GATA3: variants seen among roughly 807,000 people sequenced by gnomAD.
GATA3 encodes GATA binding protein 3, also known as trans-acting T-cell-specific transcription factor GATA-3.
A neutral mutation model predicts 36.0 loss-of-function variants in GATA3; 6 were observed. The observed-to-expected ratio is 0.17, with a 90% CI of 0.09 to 0.33. The LOEUF (loss-of-function observed/expected upper bound fraction) is 0.33. Among genes scored for constraint, GATA3 ranks in the 10% least tolerant of loss-of-function variants. GATA3 has a pLI of 1.00. For missense variants in GATA3, 514 were observed against 610.1 expected (o/e 0.84, Z 1.66); for synonymous variants, 326 against 273.0 (o/e 1.19, Z -1.92).
At chr10:8,047,508 A>G (rs1225941773) in intron 1 of GATA3, among the ~76,000 whole-genome samples, 1 of 152,104 alleles carries the variant, frequency 6.6e-6, no homozygotes, top group Non-Finnish European at 1.5e-5. Flanking sequence ...CCTCTTTTTT[A>G]CTTAACGGTT....
chr10:8,045,557 C>G (rs1246570032), intron 1 of GATA3: 1 of 152,330 alleles, frequency 6.6e-6, no homozygotes. Context: ...CTCCGCACTC[C>G]CTCTGCCCGC....
At chr10:8,064,582 G>T (rs1314609644) in intron 4 of GATA3, among the ~76,000 whole-genome samples, 1 of 152,194 alleles carries the variant, frequency 6.6e-6, no homozygotes, top group Admixed American at 6.5e-5. Context: ...CTGAAGTTGT[G>T]GCGTGTGGCT....
At chr10:8,060,971 G>A (rs1832737845) in intron 3 of GATA3, among the ~76,000 whole-genome samples, 2 of 152,160 alleles carry the variant, frequency 1.3e-5, no homozygotes, top group South Asian at 4.2e-4. Flanking sequence ...GGACTTTTGG[G>A]AGTGTGGAGG....
At chr10:8,066,017 A>C (rs1832836016) in intron 4 of GATA3, among the ~76,000 whole-genome samples, 1 of 151,322 alleles carries the variant, frequency 6.6e-6, no homozygotes, top group South Asian at 2.1e-4. Context: ...AACAACAAAC[A>C]AAAACCTTCT....
intron 3 of GATA3, among the ~76,000 whole-genome samples, chr10:8,061,011 G>A (rs1049535193): frequency 6.6e-6 from 1 of 152,068 alleles, no homozygotes; most frequent in East Asian, 1.9e-4. Context: ...TCCTTTTGCA[G>A]GGGGTGGAGG....
intron 4 of GATA3, among the ~76,000 whole-genome samples, chr10:8,065,700 G>GT (rs748515966): frequency 0.18 from 11,074 of 62,284 alleles, 755 homozygotes; most frequent in Non-Finnish European, 0.19. Context: ...CAGCAGTTTG[G>GT]TTTTTTTTTT....
chr10:8,059,023 G>C (rs1044140132), intron 3 of GATA3, among the ~76,000 whole-genome samples, 182 bp downstream of exon 3: 4 of 152,190 alleles, frequency 2.6e-5, no homozygotes, highest in African/African-American at 9.6e-5. Context: ...GCTCACGCCT[G>C]GCCTCGGAAG....
At position 8,074,249 on chromosome 10, in the gene GATA3, C is replaced by G; in HGVS notation, c.*226C>G. The G allele has an allele frequency of 1.7e-6, 1 of 577,548 alleles. No individual in the cohort carries two copies. Among genetic ancestry groups the G allele is most frequent in the South Asian group, 2.3e-5 (1 of 43,966 alleles). 35.8% of individuals were successfully genotyped at this position (577,548 alleles called of 1,614,324 possible). On this transcript the variant is annotated 3_prime_UTR_variant, in exon 6 of 6. Transcript: ENST00000379328. ...GTGAATAAGCCATTCTGACTCATAT[C>G]CCCTATTTAACAGGGTCTCTAGTGC...
intron 2 of GATA3, among the ~76,000 whole-genome samples, chr10:8,057,911 C>T (rs999325530): frequency 3.3e-5 from 5 of 152,138 alleles, no homozygotes; most frequent in African/African-American, 1.2e-4. Context: ...AACTCAGGGC[C>T]ATTGAAGGAA....
intron 3 of GATA3, among the ~76,000 whole-genome samples, chr10:8,059,701 G>C (rs936464359): frequency 1.3e-5 from 2 of 152,168 alleles, no homozygotes; most frequent in African/African-American, 4.8e-5. Flanking sequence ...TATTCAGTTG[G>C]TGTCATTACT....
At chr10:8,068,646 G>A (rs928947194) in intron 4 of GATA3, among the ~76,000 whole-genome samples, 11 of 152,188 alleles carry the variant, frequency 7.2e-5, no homozygotes, top group East Asian at 1.9e-4. Flanking sequence ...CCAGCTACTC[G>A]GGAGTGTGAG....
At position 8,071,412 on chromosome 10, in the gene GATA3, A is replaced by G. The variant is rs187966848; in HGVS notation, c.1050+1814A>G. Among the ~76,000 whole-genome samples, 319 of 152,344 alleles carry G rather than the reference A, an allele frequency of 2.1e-3. 3 individuals are homozygous for G. The highest frequency in any genetic ancestry group is 3.5e-3 in the Admixed American group (54 of 15,308). ...TCCCTATATTCGTGGAAGTATAGGA[A>G]TTATAGGAGATTAACTAGCTATATG... On this transcript the variant is annotated intron_variant, in intron 5 of 5. Transcript: ENST00000379328.
chr10:8,068,310 G>A (rs76365712), intron 4 of GATA3, among the ~76,000 whole-genome samples: 3,409 of 152,282 alleles, frequency 0.022, 124 homozygotes, highest in African/African-American at 0.078. Flanking sequence ...CATGAAGGTG[G>A]ACTGGCATCA....
chr10:8,069,996 A>G (rs927073696), intron 5 of GATA3, among the ~76,000 whole-genome samples: 2 of 152,232 alleles, frequency 1.3e-5, no homozygotes, highest in African/African-American at 2.4e-5. Flanking sequence ...AGAGAAAGGT[A>G]AATAGAATTG....
rs996978916 is a variant in GATA3, at chr10:8,055,484, C to T, written c.-172C>T. The T allele has an allele frequency of 2.8e-6, 2 of 716,606 alleles. No individual in the cohort carries two copies. The highest frequency in any genetic ancestry group is 3.6e-5 in the African/African-American group (2 of 55,936). 44.4% of individuals were successfully genotyped at this position (716,606 alleles called of 1,614,324 possible). ...TCCAAGATAATTTTTAAAAAACCTT[C>T]TCCTTTGCTCACCTTTGCTTCCCAG... is the stretch of plus-strand genomic sequence containing the variant. On this transcript the variant is annotated 5_prime_UTR_variant, in exon 2 of 6. Transcript: ENST00000379328. The surrounding 1 kb of genome is among the most constrained non-coding windows in gnomAD (Gnocchi z 5.4).
At chr10:8,066,335 T>G (rs554177524) in intron 4 of GATA3, among the ~76,000 whole-genome samples, 54 of 152,292 alleles carry the variant, frequency 3.5e-4, no homozygotes, top group South Asian at 1.9e-3. Context: ...CTGTCTTTTC[T>G]TTCTTAATCA....
intron 1 of GATA3, among the ~76,000 whole-genome samples, chr10:8,046,553 TGGTAGTAGCAGTG>T (rs1442205627): frequency 1.3e-4 from 19 of 151,684 alleles, no homozygotes; most frequent in Non-Finnish European, 2.2e-4. Flanking sequence ...GAGAAGGTAG[TGGTAGTAGCAGTG>T]GGTGGGCTGG....
rs1832973652 is a variant in GATA3, at chr10:8,073,935, T to C, written c.1247T>C (p.Met416Thr). 1 of 1,614,114 alleles carries C rather than the reference T, an allele frequency of 6.2e-7. No homozygotes were observed. The highest frequency in any genetic ancestry group is 8.5e-7 in the Non-Finnish European group (1 of 1,180,028). ...HISPFSHSSH[M>T]LTTPTPMHPP... is the part of the protein sequence containing the mutation. ...TCGCCCTTCAGCCACTCCAGCCACATGCTGACCACGCCCACGCCGATGCAC... is the reference window on the plus strand; with the variant it reads ...TCGCCCTTCAGCCACTCCAGCCACACGCTGACCACGCCCACGCCGATGCAC... The change falls in exon 6 of 6, where the codon ATG (methionine) becomes ACG (threonine). Residue 416 changes from methionine (M) to threonine (T), a missense_variant. This residue lies in a region of GATA3 where 89 missense variants were observed against 104.2 expected (regional missense o/e 0.85). Coordinates refer to ENST00000379328, the MANE Select transcript of GATA3 (RefSeq NM_001002295.2).
At chr10:8,047,107 A>G (rs1189724594) in intron 1 of GATA3, among the ~76,000 whole-genome samples, 1 of 152,184 alleles carries the variant, frequency 6.6e-6, no homozygotes, top group Non-Finnish European at 1.5e-5. Flanking sequence ...CGAGGTGGGG[A>G]CAGTCAGGGG....
Sources: allele counts gnomAD v4.1 joint callset (sites outside exome capture counted in the v4.1 genomes callset), GRCh38; gene constraint gnomAD v4.1.1; regional missense constraint gnomAD v4.1.1; non-coding constraint Gnocchi (gnomAD v3.1); transcripts MANE v1.5; gene names NCBI Gene and HGNC (gene_info 2026-07-23, HGNC 2026-07-21).